Variants in GRM1 observed in about 807,000 individuals in gnomAD.
The protein encoded by GRM1 is metabotropic glutamate receptor 1.
In GRM1, 33 loss-of-function variants were observed where a neutral mutation model predicts 90.9. That is an observed-to-expected ratio of 0.36 (90% CI 0.28 to 0.49). The LOEUF (loss-of-function observed/expected upper bound fraction) is 0.49. Ranked by LOEUF, GRM1 falls within the 20% of genes least tolerant of loss-of-function variation. GRM1 has a pLI of 0.99. For synonymous variants in GRM1, 700 were observed against 613.2 expected (o/e 1.14, Z -2.09); for missense variants, 1,190 against 1,534.3 (o/e 0.78, Z 3.75).
At chr6:146,042,547 T>C (rs1039990730) in intron 1 of GRM1, among the ~76,000 whole-genome samples, 2 of 151,970 alleles carry the variant, frequency 1.3e-5, no homozygotes, top group African/African-American at 4.8e-5. Flanking sequence ...TGCGTGGTGA[T>C]GTAGTGAAGT....
At chr6:146,278,126 A>T (rs1782439656) in intron 2 of GRM1, among the ~76,000 whole-genome samples, 1 of 152,156 alleles carries the variant, frequency 6.6e-6, no homozygotes, top group South Asian at 2.1e-4. Context: ...TCCATTTGAT[A>T]AAGAACCCCA....
At chr6:146,433,722 T>G in intron 7 of GRM1, 150 bp from the exon 8 acceptor site, 1 of 665,520 alleles carries the variant, frequency 1.5e-6, no homozygotes, top group Non-Finnish European at 2.7e-6. Context: ...GTGTTCTTTT[T>G]GTAAGAGGAG....
At chr6:146,165,355 T>C (rs928150119) in intron 2 of GRM1, among the ~76,000 whole-genome samples, 2 of 152,142 alleles carry the variant, frequency 1.3e-5, no homozygotes, top group African/African-American at 4.8e-5. Context: ...TCATATACTT[T>C]TTAAAAATAA....
intron 1 of GRM1, among the ~76,000 whole-genome samples, chr6:146,032,941 GCAGATATTTTCTGT>G (rs1172783180): frequency 1.3e-5 from 2 of 151,768 alleles, no homozygotes; most frequent in Non-Finnish European, 2.9e-5. Flanking sequence ...AGCTAAACTT[GCAGATATTTTCTGT>G]TTTGTTTTGT....
chr6:146,033,386 T>C (rs1008642430), intron 1 of GRM1, among the ~76,000 whole-genome samples: 2 of 152,150 alleles, frequency 1.3e-5, no homozygotes, highest in Non-Finnish European at 2.9e-5. Flanking sequence ...AAAAACAAAT[T>C]TATTATTTCA....
At chr6:146,086,425 A>T (rs1776547222) in intron 1 of GRM1, among the ~76,000 whole-genome samples, 1 of 152,130 alleles carries the variant, frequency 6.6e-6, no homozygotes, top group Admixed American at 6.6e-5. Flanking sequence ...ACTACTCTGT[A>T]AGAGAAAGGG....
rs1405860914 is a variant in GRM1 at position 146,398,757 on chromosome 6, T to G, written c.1730-12T>G. The G allele has an allele frequency of 6.3e-7, 1 of 1,586,442 alleles. No individual in the cohort carries two copies. Among genetic ancestry groups the G allele is most frequent in the Non-Finnish European group, 8.7e-7 (1 of 1,154,612 alleles). On this transcript the variant is annotated splice_polypyrimidine_tract_variant and intron_variant, in intron 6 of 7. Transcript: ENST00000282753. ...CCTTGGATTCATGCTCAAATGATTT[T>G]TCTCATCACAGGCTGTGAGCCCATT...
intron 3 of GRM1, among the ~76,000 whole-genome samples, chr6:146,318,161 C>T: frequency 6.6e-6 from 1 of 152,198 alleles, no homozygotes; most frequent in South Asian, 2.1e-4. Context: ...GCCCCCTATC[C>T]CCCAACAGGC....
At chr6:146,363,628 A>G (rs1775574820) in intron 5 of GRM1, among the ~76,000 whole-genome samples, 1 of 152,204 alleles carries the variant, frequency 6.6e-6, no homozygotes, top group African/African-American at 2.4e-5. Flanking sequence ...TTATTAATAT[A>G]TTTCTACTAT....
intron 2 of GRM1, among the ~76,000 whole-genome samples, chr6:146,198,145 C>T (rs887165769): frequency 1.3e-5 from 2 of 152,196 alleles, no homozygotes; most frequent in African/African-American, 4.8e-5. Context: ...ACATGCAGCT[C>T]TTTGTATATC....
chr6:146,217,948 C>T (rs999688345), intron 2 of GRM1, among the ~76,000 whole-genome samples: 4 of 152,050 alleles, frequency 2.6e-5, no homozygotes, highest in East Asian at 1.9e-4. Context: ...TATATTTTGC[C>T]GACTATTTTG....
chr6:146,277,123 A>C (rs2114842766), intron 2 of GRM1, among the ~76,000 whole-genome samples: 1 of 151,988 alleles, frequency 6.6e-6, no homozygotes, highest in South Asian at 2.1e-4. Context: ...AATACAATAC[A>C]ATACAATACA....
chr6:146,360,343 A>G (rs1329868401), intron 5 of GRM1, among the ~76,000 whole-genome samples: 1 of 152,062 alleles, frequency 6.6e-6, no homozygotes, highest in East Asian at 1.9e-4. Flanking sequence ...TAAATATAAT[A>G]TCTCATGGAA....
chr6:146,149,086 A>G lies in GRM1; in HGVS notation c.701-10262A>G, dbSNP rs1464956292. On this transcript the variant is annotated intron_variant, in intron 1 of 7. Transcript: ENST00000282753. ...CTCCATTTCATAAATAGCTAACTGA[A>G]GTTAGAGAATCAATGAAGTGGATCA... is the stretch of plus-strand genomic sequence containing the variant. Among the ~76,000 whole-genome samples, 19 of 152,194 alleles carry G rather than the reference A, an allele frequency of 1.2e-4. 1 individual carries two copies. Among genetic ancestry groups the G allele is most frequent in the Admixed American group, 9.8e-4 (15 of 15,268 alleles).
chr6:146,260,615 C>G (rs1781654786), intron 2 of GRM1, among the ~76,000 whole-genome samples: 1 of 151,956 alleles, frequency 6.6e-6, no homozygotes, highest in Non-Finnish European at 1.5e-5. Flanking sequence ...ACACTCCTAC[C>G]AACAGTGTAA....
chr6:146,377,453 C>T lies in GRM1; in HGVS notation c.1603-9437C>T, dbSNP rs900546169. Among the ~76,000 whole-genome samples, 8 of 152,172 alleles carry T rather than the reference C, an allele frequency of 5.3e-5. No homozygotes were observed. In the East Asian group the frequency reaches 9.7e-4, roughly 18 times the overall value. ...TTTTGCTATACAAAGAGACTGGTGGCGTTATGTCCTTGCCCCAGAGACCTG... is the reference window on the plus strand; with the variant it reads ...TTTTGCTATACAAAGAGACTGGTGGTGTTATGTCCTTGCCCCAGAGACCTG... On this transcript the variant is annotated intron_variant, in intron 5 of 7. Coordinates refer to ENST00000282753, the MANE Select transcript of GRM1 (RefSeq NM_001278064.2).
chr6:146,054,960 T>C (rs1219851010), intron 1 of GRM1, among the ~76,000 whole-genome samples: 3 of 151,668 alleles, frequency 2.0e-5, no homozygotes, highest in Non-Finnish European at 4.4e-5. Flanking sequence ...CGGGTAATAA[T>C]TGGGGGTGGA....
chr6:146,294,350 T>G (rs1381082751), intron 2 of GRM1, among the ~76,000 whole-genome samples: 1 of 152,048 alleles, frequency 6.6e-6, no homozygotes, highest in Non-Finnish European at 1.5e-5. Flanking sequence ...CCTTAGAAGT[T>G]TAAAGTTTTT....
chr6:146,148,544 C>T (rs1294048127), intron 1 of GRM1, among the ~76,000 whole-genome samples: 2 of 152,036 alleles, frequency 1.3e-5, no homozygotes, highest in South Asian at 2.1e-4. Flanking sequence ...TACATACCAA[C>T]CTCCTATTGT....
Sources: allele counts gnomAD v4.1 joint callset (sites outside exome capture counted in the v4.1 genomes callset), GRCh38; gene constraint gnomAD v4.1.1; transcripts MANE v1.5; gene names NCBI Gene and HGNC (gene_info 2026-07-23, HGNC 2026-07-21).